Variants in MYO6 observed in about 807,000 individuals in gnomAD.
The protein encoded by MYO6 is unconventional myosin-VI.
MYO6 carries 74 observed loss-of-function variants against 178.7 expected under a neutral mutation model. That is an observed-to-expected ratio of 0.41 (90% CI 0.34 to 0.50). The LOEUF is 0.50. MYO6 is among the 20% of genes least tolerant of loss of function. MYO6 has a pLI of 0.09. For missense variants in MYO6, 1,330 were observed against 1,547.4 expected (o/e 0.86, Z 2.36); for synonymous variants, 477 against 504.6 (o/e 0.95, Z 0.73).
rs772443311 is a variant in MYO6 at position 75,867,035 on chromosome 6, C to A, written c.1874C>A (p.Thr625Lys). 1 of 1,613,734 alleles carries A rather than the reference C, an allele frequency of 6.2e-7. No individual in the cohort carries two copies. Among genetic ancestry groups the A allele is most frequent in the East Asian group, 2.2e-5 (1 of 44,848 alleles). Residue 625 changes from threonine (T) to lysine (K), a missense_variant, in exon 18 of 35, where the codon ACA becomes AAA. This residue lies in a region of MYO6 where 613 missense variants were observed against 816.8 expected (regional missense o/e 0.75). Coordinates refer to ENST00000369977, the MANE Select transcript of MYO6 (RefSeq NM_004999.4). ...KFIRELFESSTNNNKDTKQKA... is the reference protein window; with the variant it reads ...KFIRELFESSKNNNKDTKQKA... ...ATACGGGAATTATTTGAATCATCCA[C>A]AAATAACAACAAAGATACTAAACAA...
At chr6:75,819,299 C>G (rs1771623492) in intron 2 of MYO6, among the ~76,000 whole-genome samples, 1 of 152,174 alleles carries the variant, frequency 6.6e-6, no homozygotes, top group African/African-American at 2.4e-5. Flanking sequence ...ACTTTCTGAT[C>G]AGGTTCTTAA....
intron 32 of MYO6, among the ~76,000 whole-genome samples, chr6:75,910,910 A>G (rs569514134): frequency 6.6e-5 from 10 of 152,248 alleles, no homozygotes; most frequent in African/African-American, 2.2e-4. Context: ...TTGAGAAAAT[A>G]AAATGATGAC....
chr6:75,893,635 C>T lies in MYO6; in HGVS notation c.3107+945C>T, dbSNP rs564159853. ...TCATGCTTTTTCTATTAGGTTGGTG[C>T]GAAAATAATTGCGGTTTTTGCCATT... On this transcript the variant is annotated intron_variant, in intron 28 of 34. Transcript: ENST00000369977. 9.9e-5 allele frequency among the ~76,000 whole-genome samples: 15 copies of T among 152,224 alleles called. No homozygotes were observed. In the South Asian group the frequency reaches 2.7e-3, roughly 27 times the overall value.
intron 5 of MYO6, among the ~76,000 whole-genome samples, chr6:75,831,949 C>G (rs1005947464): frequency 6.6e-6 from 1 of 151,706 alleles, no homozygotes; most frequent in African/African-American, 2.4e-5. Flanking sequence ...TGTGTGCGCT[C>G]TTGTATATGG....
At chr6:75,872,565 T>A (rs1583325946) in intron 19 of MYO6, among the ~76,000 whole-genome samples, 2 of 152,264 alleles carry the variant, frequency 1.3e-5, no homozygotes, top group South Asian at 2.1e-4. Context: ...CATAAATACA[T>A]TTAAATATAG....
intron 22 of MYO6, among the ~76,000 whole-genome samples, chr6:75,881,218 C>T (rs1049459055): frequency 1.3e-5 from 2 of 151,832 alleles, no homozygotes; most frequent in East Asian, 1.9e-4. Flanking sequence ...TGCGCCACTG[C>T]AAAAAAGGTT....
In MYO6 at chr6:75,866,534, A is replaced by G; in HGVS notation, c.1683A>G (p.Arg561=). The G allele has an allele frequency of 6.2e-7, 1 of 1,613,296 alleles. No homozygotes were observed. Among genetic ancestry groups the G allele is most frequent in the Non-Finnish European group, 8.5e-7 (1 of 1,179,260 alleles). ...TATGTATTGTTTTTCAGATTCCCAG[A>G]AAATCTAAGCTGGCAGTTCATAGGA... ...HKDHFRLTIP[R]KSKLAVHRNI... Residue 561 remains arginine (R), a synonymous_variant, in exon 17 of 35, where the codon AGA becomes AGG. Coordinates refer to ENST00000369977, the MANE Select transcript of MYO6 (RefSeq NM_004999.4).
chr6:75,894,226 T>C (rs976664891), intron 28 of MYO6, among the ~76,000 whole-genome samples: 2 of 152,214 alleles, frequency 1.3e-5, no homozygotes, highest in African/African-American at 4.8e-5. Context: ...CCTTCCCATC[T>C]TCAGAAAGGT....
At chr6:75,750,184 C>G (rs1264937560) in intron 1 of MYO6, among the ~76,000 whole-genome samples, 1 of 151,794 alleles carries the variant, frequency 6.6e-6, no homozygotes, top group Admixed American at 6.6e-5. Flanking sequence ...CACCCTCCCC[C>G]TCGCGGGTTC....
chr6:75,862,812 A>C (rs1396587357), intron 16 of MYO6, 89 bp downstream of exon 16: 3 of 1,469,194 alleles, frequency 2.0e-6, no homozygotes, highest in Non-Finnish European at 2.9e-6. Flanking sequence ...CTAGATAATT[A>C]GAATAAAAAT....
At chr6:75,773,936 C>G (rs1766129623) in intron 1 of MYO6, among the ~76,000 whole-genome samples, 1 of 152,160 alleles carries the variant, frequency 6.6e-6, no homozygotes, top group Non-Finnish European at 1.5e-5. Flanking sequence ...GAGATAATCA[C>G]TAGTTTTTTA....
At chr6:75,874,290 T>G (rs1433766158) in intron 20 of MYO6, among the ~76,000 whole-genome samples, 4 of 152,232 alleles carry the variant, frequency 2.6e-5, no homozygotes, top group African/African-American at 9.6e-5. Flanking sequence ...CTGTTCTTTC[T>G]TATTGTCTGC....
In MYO6 at chr6:75,908,758, A is replaced by C. The variant is rs1780540819; in HGVS notation, c.3412+131A>C. On this transcript the variant is annotated intron_variant, in intron 32 of 34. Coordinates refer to ENST00000369977, the MANE Select transcript of MYO6 (RefSeq NM_004999.4). ...TTTAGAACTGTGAGCCATTGAACCTAATACAGCCTTGATGGCCTATCTTTT... is the reference window on the plus strand; with the variant it reads ...TTTAGAACTGTGAGCCATTGAACCTCATACAGCCTTGATGGCCTATCTTTT... 1.2e-5 allele frequency: 11 copies of C among 893,380 alleles called. No individual in the cohort carries two copies. In the Middle Eastern group the frequency reaches 1.6e-3, roughly 130 times the overall value. The allele number at this position is 893,380 out of a possible 1,614,324, so 55.3% of individuals were successfully genotyped here.
At chr6:75,806,167 A>T (rs1275146939) in intron 1 of MYO6, among the ~76,000 whole-genome samples, 4 of 152,156 alleles carry the variant, frequency 2.6e-5, no homozygotes, top group Non-Finnish European at 5.9e-5. Context: ...CTTGCACTAG[A>T]TACAAAGTAA....
intron 1 of MYO6, among the ~76,000 whole-genome samples, chr6:75,750,084 A>G (rs918194433): frequency 2.0e-5 from 3 of 148,712 alleles, no homozygotes; most frequent in Admixed American, 7.1e-5. Flanking sequence ...ATACAGTTTA[A>G]AAAATTCATT....
intron 28 of MYO6, among the ~76,000 whole-genome samples, chr6:75,893,972 A>G (rs1779101033): frequency 6.6e-6 from 1 of 152,200 alleles, no homozygotes; most frequent in Non-Finnish European, 1.5e-5. Flanking sequence ...GTAACTGACT[A>G]GCCGCCTAGG....
intron 1 of MYO6, among the ~76,000 whole-genome samples, chr6:75,796,306 C>G (rs1583104958): frequency 6.6e-6 from 1 of 152,194 alleles, no homozygotes; most frequent in Non-Finnish European, 1.5e-5. Flanking sequence ...ATCTGTCAGG[C>G]TTTGTCTTCC....
intron 18 of MYO6, among the ~76,000 whole-genome samples, chr6:75,869,193 T>A (rs1012248104): frequency 4.0e-5 from 6 of 150,590 alleles, no homozygotes; most frequent in African/African-American, 1.5e-4. Context: ...TCAGGCATGG[T>A]GGTTCAGATT....
chr6:75,758,696 G>C (rs1194954857), intron 1 of MYO6, among the ~76,000 whole-genome samples: 1 of 152,102 alleles, frequency 6.6e-6, no homozygotes, highest in African/African-American at 2.4e-5. Context: ...CTGACCTCGT[G>C]ATCTGCCCGA....
Sources: allele counts gnomAD v4.1 joint callset (sites outside exome capture counted in the v4.1 genomes callset), GRCh38; gene constraint gnomAD v4.1.1; regional missense constraint gnomAD v4.1.1; transcripts MANE v1.5; gene names NCBI Gene and HGNC (gene_info 2026-07-23, HGNC 2026-07-21).